Variants in CYGB observed in about 807,000 individuals in gnomAD.
CYGB encodes histoglobin.
Under a neutral mutation model 20.7 loss-of-function variants are expected in CYGB, and 13 were observed. That is an observed-to-expected ratio of 0.63 (90% CI 0.41 to 1.00). CYGB has a LOEUF of 1.00. Among genes scored for constraint, CYGB ranks in the 50% least tolerant of loss-of-function variants. The probability of loss-of-function intolerance (pLI) is 0.00; values close to 1 mark genes in which losing one functional copy is unlikely to be tolerated. For synonymous variants in CYGB, 93 were observed against 107.4 expected (o/e 0.87, Z 0.83); for missense variants, 218 against 257.2 (o/e 0.85, Z 1.04).
At chr17:76,544,792 T>C (rs1421160866) in intron 1 of CYGB, 2 of 456,696 alleles carry the variant, frequency 4.4e-6, no homozygotes, top group Non-Finnish European at 8.8e-6. Flanking sequence ...CTTGCTGCCA[T>C]TTCCGAGTTG....
chr17:76,535,169 C>A (rs2143109312), intron 1 of CYGB, among the ~76,000 whole-genome samples: 1 of 152,344 alleles, frequency 6.6e-6, no homozygotes, highest in South Asian at 2.1e-4. Context: ...TCCACCCCCA[C>A]CAATGTGGCA....
intron 1 of CYGB, among the ~76,000 whole-genome samples, chr17:76,532,606 G>A (rs889027356): frequency 4.8e-5 from 7 of 146,380 alleles, no homozygotes; most frequent in Admixed American, 2.1e-4. Flanking sequence ...ATCTTGGCTC[G>A]CTGCAACCTC....
At chr17:76,534,609 G>T (rs2074894750) in intron 1 of CYGB, among the ~76,000 whole-genome samples, 1 of 152,224 alleles carries the variant, frequency 6.6e-6, no homozygotes, top group African/African-American at 2.4e-5. Context: ...CCTGAGGTAG[G>T]CACTGTTTTA....
rs1418167563 is a variant in CYGB at position 76,528,052 on chromosome 17, C to G, written c.*526G>C. The G allele has an allele frequency of 2.7e-6, 1 of 372,936 alleles. No individual in the cohort carries two copies. Among genetic ancestry groups the G allele is most frequent in the Admixed American group, 3.8e-5 (1 of 26,194 alleles). 23.1% of individuals were successfully genotyped at this position (372,936 alleles called of 1,614,324 possible). ...CTGCACAACCGGAACCCCTCCCTGC[C>G]CCACTCACAGGTGGGCCAAACCGAG... On this transcript the variant is annotated 3_prime_UTR_variant, in exon 4 of 4. Coordinates refer to ENST00000293230, the MANE Select transcript of CYGB (RefSeq NM_134268.5). The surrounding 1 kb of genome is among the most constrained non-coding windows in gnomAD (Gnocchi z 5.8).
chr17:76,529,044 G>GCCCCCCCC (rs34648121), intron 3 of CYGB: 2 of 779,744 alleles, frequency 2.6e-6, no homozygotes, highest in African/African-American at 2.3e-5. Flanking sequence ...CAGTCATTGC[G>GCCCCCCCC]CCCCCCCCCC....
At chr17:76,548,221 AG>A (rs1764754848) in intron 1 of CYGB, among the ~76,000 whole-genome samples, 6 of 152,256 alleles carry the variant, frequency 3.9e-5, no homozygotes, top group Admixed American at 2.0e-4. Context: ...ATACACTTAT[AG>A]ACACACATAG....
In CYGB at chr17:76,528,794, G is replaced by T; in HGVS notation, c.540-183C>A. 1 of 1,048,336 alleles carries T rather than the reference G, an allele frequency of 9.5e-7. No individual in the cohort carries two copies. 64.9% of individuals were successfully genotyped at this position (1,048,336 alleles called of 1,614,324 possible). A position where few individuals can be genotyped will look rare whatever the true frequency, so the allele number is the denominator to read the frequency against. On this transcript the variant is annotated intron_variant, in intron 3 of 3. Coordinates refer to ENST00000293230, the MANE Select transcript of CYGB (RefSeq NM_134268.5). This position sits in a 1 kb window ranked among gnomAD's most constrained non-coding sequence, Gnocchi z 5.8. ...CCGTCCTGCTACGAACGTGCTGTGT[G>T]ATCTCAGGCAAGTCTACTGGCCCAT... is the stretch of plus-strand genomic sequence containing the variant.
At chr17:76,547,833 A>C (rs2075068131) in intron 1 of CYGB, among the ~76,000 whole-genome samples, 2 of 129,446 alleles carry the variant, frequency 1.5e-5, no homozygotes, top group South Asian at 2.5e-4. Context: ...CACACACACA[A>C]CACACATTCA....
At chr17:76,529,789 T>A in intron 3 of CYGB, 4 of 985,288 alleles carry the variant, frequency 4.1e-6, no homozygotes, top group Non-Finnish European at 4.8e-6. Flanking sequence ...CAACATCTGC[T>A]TGTTTCCCAT....
Position 76,527,945 on chromosome 17 carries a change from C to T in CYGB, c.*633G>A, listed in dbSNP as rs925479038. The stretch of plus-strand genomic sequence containing the variant: ...AAGGGGCTGGGCTTTGCCGCCAAGC[C>T]GGGTTGCCCCAGCCCTGCCCCTCCA... On this transcript the variant is annotated 3_prime_UTR_variant, in exon 4 of 4. Coordinates refer to ENST00000293230, the MANE Select transcript of CYGB (RefSeq NM_134268.5). 1.8e-5 allele frequency: 7 copies of T among 387,162 alleles called. No homozygotes were observed. The highest frequency in any genetic ancestry group is 1.1e-4 in the South Asian group (6 of 53,944). The allele number at this position is 387,162 out of a possible 1,614,324, so 24.0% of individuals were successfully genotyped here.
At chr17:76,549,060 C>A (rs2075082800) in intron 1 of CYGB, among the ~76,000 whole-genome samples, 1 of 152,130 alleles carries the variant, frequency 6.6e-6, no homozygotes, top group Admixed American at 6.5e-5. Context: ...GAAAGGCAAT[C>A]CAATGGAGAA....
rs954410331 is a variant in CYGB at position 76,546,828 on chromosome 17, T to C, written c.-53+4034A>G. 3 of 152,228 alleles carry C rather than the reference T, an allele frequency of 2.0e-5. No individual in the cohort carries two copies. Among genetic ancestry groups the C allele is most frequent in the East Asian group, 3.8e-4 (2 of 5,200 alleles). 9.4% of individuals were successfully genotyped at this position (152,228 alleles called of 1,614,324 possible). A position where few individuals can be genotyped will look rare whatever the true frequency, so the allele number is the denominator to read the frequency against. On this transcript the variant is annotated intron_variant, in intron 1 of 3. Coordinates refer to the CYGB transcript ENST00000589145. This position sits in a 1 kb window ranked among gnomAD's most constrained non-coding sequence, Gnocchi z 4.5. ...TGTATTTTACGCACTGTTTCATTTATGCGGCAGGAACTGTTATCATTTATC... is the reference window on the plus strand; with the variant it reads ...TGTATTTTACGCACTGTTTCATTTACGCGGCAGGAACTGTTATCATTTATC...
intron 1 of CYGB, among the ~76,000 whole-genome samples, chr17:76,534,047 A>T (rs1473425071): frequency 6.6e-6 from 1 of 151,914 alleles, no homozygotes; most frequent in Non-Finnish European, 1.5e-5. Context: ...AAATAATAAC[A>T]ATGATATATA....
Position 76,531,288 on chromosome 17 carries a change from A to G in CYGB, c.376-146T>C. 6.6e-6 allele frequency: 8 copies of G among 1,212,742 alleles called. No individual in the cohort carries two copies. The highest frequency in any genetic ancestry group is 9.2e-6 in the Non-Finnish European group (8 of 869,830). 75.1% of individuals were successfully genotyped at this position (1,212,742 alleles called of 1,614,324 possible). A position where few individuals can be genotyped will look rare whatever the true frequency, so the allele number is the denominator to read the frequency against. On this transcript the variant is annotated intron_variant, in intron 2 of 3. Transcript: ENST00000293230. This position sits in a 1 kb window ranked among gnomAD's most constrained non-coding sequence, Gnocchi z 7.4. ...TTGGGAACCCCGTGCTCTCAGGACAAGGGTTGCCCTGGACCCAGCCCCTCC... is the reference window on the plus strand; with the variant it reads ...TTGGGAACCCCGTGCTCTCAGGACAGGGGTTGCCCTGGACCCAGCCCCTCC...
chr17:76,543,307 C>T (rs1387525872), intron 1 of CYGB: 3 of 349,486 alleles, frequency 8.6e-6, no homozygotes, highest in South Asian at 6.6e-5. Context: ...CTGAGAAAGC[C>T]TAGGATGAGG....
chr17:76,538,919 A>G (rs760033044), upstream of CYGB, among the ~76,000 whole-genome samples: 10 of 152,120 alleles, frequency 6.6e-5, no homozygotes, highest in Admixed American at 1.3e-4. Context: ...CGCTTTCACT[A>G]TGGTTCATGT....
At chr17:76,537,117 G>T (rs1253657494) in intron 1 of CYGB, among the ~76,000 whole-genome samples, 1 of 152,198 alleles carries the variant, frequency 6.6e-6, no homozygotes, top group Non-Finnish European at 1.5e-5. Context: ...GGGGTGGCTG[G>T]CCGAGCAAGG....
chr17:76,540,263 G>GGGGGGGGGGGGGGGGGGC, upstream of CYGB: 1 of 610,892 alleles, frequency 1.6e-6, no homozygotes, highest in South Asian at 1.6e-5. The surrounding 1 kb of genome is among the most constrained non-coding windows in gnomAD (Gnocchi z 5.0). Context: ...GGGGGGGGGG[G>GGGGGGGGGGGGGGGGGGC]CATGGGGCTG....
At chr17:76,543,023 T>C in intron 1 of CYGB, 1 of 475,526 alleles carries the variant, frequency 2.1e-6, no homozygotes, top group African/African-American at 2.0e-5. Context: ...TGGTTTTCTG[T>C]TTCAGCTCAG....
Sources: allele counts gnomAD v4.1 joint callset (sites outside exome capture counted in the v4.1 genomes callset), GRCh38; gene constraint gnomAD v4.1.1; non-coding constraint Gnocchi (gnomAD v3.1); transcripts MANE v1.5; gene names NCBI Gene and HGNC (gene_info 2026-07-23, HGNC 2026-07-21).